Variants in SPATA7 observed in about 807,000 individuals in gnomAD.
SPATA7 encodes spermatogenesis associated 7.
In SPATA7, 43 loss-of-function variants were observed where a neutral mutation model predicts 51.8. The ratio of observed to expected loss-of-function variants is 0.83; its 90% CI spans 0.65 to 1.07. SPATA7 has a LOEUF of 1.07. SPATA7 is among the 50% of genes least tolerant of loss of function. The pLI is 0.00. For synonymous variants in SPATA7, 230 were observed against 252.8 expected (o/e 0.91, Z 0.86); for missense variants, 683 against 701.3 (o/e 0.97, Z 0.30).
chr14:88,451,719 T>C (rs1566795777), intron 3 of SPATA7, among the ~76,000 whole-genome samples: 1 of 150,494 alleles, frequency 6.6e-6, no homozygotes, highest in Non-Finnish European at 1.5e-5. Flanking sequence ...GAGACAGGGT[T>C]TTGCCACGTT....
chr14:88,433,825 G>T (rs1049276770), intron 10 of SPATA7, among the ~76,000 whole-genome samples: 6 of 152,056 alleles, frequency 3.9e-5, no homozygotes, highest in African/African-American at 1.4e-4. Context: ...AATATGCCAA[G>T]CATAGACATT....
intron 3 of SPATA7, among the ~76,000 whole-genome samples, chr14:88,451,133 G>A (rs569343629): frequency 2.6e-5 from 4 of 152,070 alleles, no homozygotes; most frequent in Non-Finnish European, 4.4e-5. Context: ...ATTTCTCTAA[G>A]TGTGTTCTTC....
intron 6 of SPATA7, among the ~76,000 whole-genome samples, chr14:88,427,391 T>C (rs186551304): frequency 6.6e-6 from 1 of 152,332 alleles, no homozygotes; most frequent in East Asian, 1.9e-4. Flanking sequence ...TTTAGTTGTT[T>C]TAGAAAGTAA....
At chr14:88,415,239 G>T (rs956675938) in intron 4 of SPATA7, 3 of 361,650 alleles carry the variant, frequency 8.3e-6, no homozygotes, top group African/African-American at 6.3e-5. Flanking sequence ...GGGTGCTCCA[G>T]TGTTGGGTGC....
In SPATA7 at chr14:88,401,495, C is replaced by T. The variant is rs114334936; in HGVS notation, c.238+5292C>T. ...TTAACATAGTATTGGAAGTCCTAGCCAGAGCAATTAGACAAGAAAAAGAAA... is the reference window on the plus strand; with the variant it reads ...TTAACATAGTATTGGAAGTCCTAGCTAGAGCAATTAGACAAGAAAAAGAAA... On this transcript the variant is annotated intron_variant, in intron 4 of 11. Transcript: ENST00000393545. 8.1e-3 allele frequency among the ~76,000 whole-genome samples: 1,237 copies of T among 152,034 alleles called. 5 individuals are homozygous for T. The highest frequency in any genetic ancestry group is 0.028 in the African/African-American group (1,177 of 41,464).
At chr14:88,412,495 C>A (rs2076369054) in intron 4 of SPATA7, among the ~76,000 whole-genome samples, 2 of 152,052 alleles carry the variant, frequency 1.3e-5, no homozygotes, top group Admixed American at 6.5e-5. Context: ...CAACCCTTCA[C>A]GTTTTTCTGC....
chr14:88,426,852 T>G, intron 6 of SPATA7, 148 bp downstream of exon 6: 1 of 780,652 alleles, frequency 1.3e-6, no homozygotes, highest in Non-Finnish European at 2.1e-6. Flanking sequence ...TCCTTTTCCA[T>G]GTATCACTAG....
intron 1 of SPATA7, among the ~76,000 whole-genome samples, chr14:88,388,786 A>G (rs1383370355): frequency 2.0e-5 from 3 of 152,194 alleles, no homozygotes; most frequent in Non-Finnish European, 2.9e-5. Flanking sequence ...TTTGGTACCT[A>G]GAATTACGGG....
chr14:88,433,601 AAAATGAGAAC>A (rs1372145266), intron 10 of SPATA7, among the ~76,000 whole-genome samples: 1 of 152,208 alleles, frequency 6.6e-6, no homozygotes, highest in African/African-American at 2.4e-5. Context: ...TAGATCTAGT[AAAATGAGAAC>A]AAATTAAGAG....
chr14:88,418,346 G>T (rs1316802103), intron 5 of SPATA7, among the ~76,000 whole-genome samples: 3 of 152,022 alleles, frequency 2.0e-5, no homozygotes, highest in African/African-American at 7.3e-5. Flanking sequence ...TTCTTTGCTA[G>T]TGTAAGCATT....
chr14:88,437,721 G>C (rs2077128798), intron 11 of SPATA7, 117 bp from the exon 12 acceptor site: 1 of 1,321,064 alleles, frequency 7.6e-7, no homozygotes, highest in East Asian at 2.4e-5. Context: ...ACTTTTTTGA[G>C]GGTGGTGGTG....
chr14:88,422,471 A>G (rs1342157715), intron 5 of SPATA7, among the ~76,000 whole-genome samples: 3 of 151,738 alleles, frequency 2.0e-5, no homozygotes, highest in South Asian at 2.1e-4. Context: ...ATTTGTTTCT[A>G]TTATTCAGCA....
intron 7 of SPATA7, 102 bp from the exon 8 acceptor site, chr14:88,429,246 A>G: frequency 2.9e-6 from 2 of 682,040 alleles, no homozygotes; most frequent in South Asian, 3.1e-5. Flanking sequence ...ATTTTTATCT[A>G]CTGGATATCT....
Position 88,385,837 on chromosome 14 carries a change from G to T in SPATA7, c.19G>T (p.Val7Phe), listed in dbSNP as rs371609982. The change falls in exon 1 of 12, where the codon GTC becomes TTC. Residue 7 changes from valine (V) to phenylalanine (F), a missense_variant and splice_region_variant. By Grantham distance (50) the Val-to-Phe change is conservative (BLOSUM62 -1). Transcript: ENST00000393545. Reference protein sequence around the residue: MDGSRRVRATSVLPRYG... With the variant: MDGSRRFRATSVLPRYG... Reference sequence around the variant, plus strand: ...ACTAAGCATGGATGGCAGCCGGAGAGGTAAAGGGCAGCTGTCAGGGGCTAC... The same window carrying T: ...ACTAAGCATGGATGGCAGCCGGAGATGTAAAGGGCAGCTGTCAGGGGCTAC... 1.3e-5 allele frequency: 21 copies of T among 1,603,484 alleles called. No individual in the cohort carries two copies. The highest frequency in any genetic ancestry group is 1.8e-5 in the Non-Finnish European group (21 of 1,175,832).
chr14:88,389,445 T>A (rs1449356247), intron 1 of SPATA7, among the ~76,000 whole-genome samples: 1 of 152,124 alleles, frequency 6.6e-6, no homozygotes, highest in Non-Finnish European at 1.5e-5. Context: ...GCTTAGGTGA[T>A]CAGCCTGCCT....
At chr14:88,452,815 G>A (rs1233036019) in intron 3 of SPATA7, among the ~76,000 whole-genome samples, 1 of 152,122 alleles carries the variant, frequency 6.6e-6, no homozygotes, top group Non-Finnish European at 1.5e-5. Context: ...AGGACCTTTG[G>A]CATTTTCTAT....
intron 4 of SPATA7, chr14:88,468,979 C>A (rs1171003409): frequency 6.2e-7 from 1 of 1,614,174 alleles, no homozygotes; most frequent in Admixed American, 1.7e-5. Flanking sequence ...TCCTTCCTAC[C>A]CCAGCACTGC....
intron 3 of SPATA7, among the ~76,000 whole-genome samples, chr14:88,445,718 G>A (rs1225028750): frequency 6.6e-6 from 1 of 152,112 alleles, no homozygotes; most frequent in Non-Finnish European, 1.5e-5. Flanking sequence ...TTTGTCAAAG[G>A]CCTTTTCTGC....
chr14:88,443,412 C>G (rs1358927308), downstream of SPATA7, among the ~76,000 whole-genome samples: 5 of 151,898 alleles, frequency 3.3e-5, no homozygotes, highest in Non-Finnish European at 7.4e-5. Flanking sequence ...TTCATAGTAG[C>G]CTTGAATCAT....
Sources: allele counts gnomAD v4.1 joint callset (sites outside exome capture counted in the v4.1 genomes callset), GRCh38; gene constraint gnomAD v4.1.1; transcripts MANE v1.5; gene names NCBI Gene and HGNC (gene_info 2026-07-23, HGNC 2026-07-21).